TRDN: variants seen among roughly 807,000 people sequenced by gnomAD.
TRDN encodes triadin in skeletal muscle.
In TRDN, 161 loss-of-function variants were observed where a neutral mutation model predicts 149.7. That is an observed-to-expected ratio of 1.08 (90% CI 0.95 to 1.23). The LOEUF is 1.23. Among genes scored for constraint, TRDN ranks in the 50% most tolerant of loss-of-function variants. The pLI is 0.00. For synonymous variants in TRDN, 294 were observed against 250.5 expected (o/e 1.17, Z -1.64); for missense variants, 896 against 823.5 (o/e 1.09, Z -1.08).
Position 123,472,144 on chromosome 6 carries a change from G to A in TRDN, c.854-7161C>T, listed in dbSNP as rs551599408. Among the ~76,000 whole-genome samples the A allele has an allele frequency of 3.3e-5, 5 of 152,336 alleles. No individual in the cohort carries two copies. The East Asian group carries it at 9.7e-4, about 29-fold the overall frequency. On this transcript the variant is annotated intron_variant, in intron 9 of 40. Coordinates refer to ENST00000334268, the MANE Select transcript of TRDN (RefSeq NM_006073.4). ...AGCGTGAGCGACGCAGAAGACGGGT[G>A]ATTTCTGCATTTCCATCTGAGGTAC...
intron 12 of TRDN, among the ~76,000 whole-genome samples, chr6:123,433,291 A>C (rs1221252004): frequency 1.3e-5 from 2 of 151,358 alleles, no homozygotes; most frequent in Admixed American, 1.3e-4. Flanking sequence ...TATCTATTTA[A>C]ATAACTTCCC....
At chr6:123,460,088 A>T (rs187243398) in intron 10 of TRDN, among the ~76,000 whole-genome samples, 1 of 152,352 alleles carries the variant, frequency 6.6e-6, no homozygotes, top group East Asian at 1.9e-4. Flanking sequence ...TAGTTGACAC[A>T]TAATCTTGAA....
Position 123,351,456 on chromosome 6 carries a change from A to C in TRDN, c.1369+1083T>G, listed in dbSNP as rs1241596432. On this transcript the variant is annotated intron_variant, in intron 21 of 40. Transcript: ENST00000334268. ...ACTAAAATTCCACTCTTCTTCAAAA[A>C]GAAACCAACAGAAACATCTACTGAA... The C allele has an allele frequency of 5.1e-6, 5 of 984,258 alleles. No individual in the cohort carries two copies. The African/African-American group carries it at 8.7e-5, about 17-fold the overall frequency. The allele number at this position is 984,258 out of a possible 1,614,324, so 61.0% of individuals were successfully genotyped here.
At chr6:123,245,276 C>T (rs113105891) in intron 38 of TRDN, among the ~76,000 whole-genome samples, 1 of 151,924 alleles carries the variant, frequency 6.6e-6, no homozygotes, top group African/African-American at 2.4e-5. Context: ...GGGCTAAATG[C>T]CCCAATTAAA....
chr6:123,352,972 A>G (rs1010306896), intron 20 of TRDN, among the ~76,000 whole-genome samples: 2 of 151,864 alleles, frequency 1.3e-5, no homozygotes, highest in Non-Finnish European at 2.9e-5. Context: ...CGTGCTTAAC[A>G]TAGCTTAATC....
chr6:123,260,936 C>T (rs1776749790), intron 33 of TRDN, among the ~76,000 whole-genome samples: 1 of 151,586 alleles, frequency 6.6e-6, no homozygotes, highest in African/African-American at 2.4e-5. Context: ...CTTGATAGAA[C>T]AACAGGCTGA....
At chr6:123,307,321 A>G (rs898704944) in intron 24 of TRDN, among the ~76,000 whole-genome samples, 2 of 152,038 alleles carry the variant, frequency 1.3e-5, no homozygotes, top group Non-Finnish European at 2.9e-5. Context: ...ATGTATTCCA[A>G]CACTTCTTAT....
At chr6:123,243,216 T>C (rs1273490017) in intron 38 of TRDN, among the ~76,000 whole-genome samples, 5 of 152,058 alleles carry the variant, frequency 3.3e-5, no homozygotes, top group Non-Finnish European at 7.4e-5. Context: ...ACCAGTCTGA[T>C]AGCACAGGCC....
intron 9 of TRDN, among the ~76,000 whole-genome samples, chr6:123,481,065 C>G (rs1296245313): frequency 6.6e-6 from 1 of 152,080 alleles, no homozygotes; most frequent in Non-Finnish European, 1.5e-5. Context: ...ACAATTTACA[C>G]TTAAAAATCT....
rs779660776 is a variant in TRDN, at chr6:123,565,937, C to T, written c.232+4986G>A. Among the ~76,000 whole-genome samples the T allele has an allele frequency of 1.3e-4, 20 of 152,214 alleles. No homozygotes were observed. The East Asian group carries it at 2.1e-3, about 16-fold the overall frequency. ...TGTCCCAAGTCCCTCCCATTCTATC[C>T]ATCTTCCCTTCCCAATTTCCACCCT... On this transcript the variant is annotated intron_variant, in intron 2 of 40. Coordinates refer to ENST00000334268, the MANE Select transcript of TRDN (RefSeq NM_006073.4).
At chr6:123,437,616 T>A (rs192725568) in intron 12 of TRDN, among the ~76,000 whole-genome samples, 11 of 151,366 alleles carry the variant, frequency 7.3e-5, no homozygotes, top group Admixed American at 3.3e-4. Context: ...CCCTTTGAAA[T>A]GTAATCATCA....
chr6:123,397,927 T>C (rs902537930), intron 12 of TRDN, among the ~76,000 whole-genome samples: 6 of 152,246 alleles, frequency 3.9e-5, no homozygotes, highest in Non-Finnish European at 8.8e-5. Context: ...TTTATTAATC[T>C]TCCAAAGAAA....
chr6:123,535,206 A>G (rs1389552002), intron 4 of TRDN, among the ~76,000 whole-genome samples: 2 of 152,182 alleles, frequency 1.3e-5, no homozygotes, highest in Non-Finnish European at 2.9e-5. Flanking sequence ...ATGTGTTAGG[A>G]GGCAACAAAG....
chr6:123,557,572 C>A (rs1009299946), intron 2 of TRDN, among the ~76,000 whole-genome samples: 10 of 152,044 alleles, frequency 6.6e-5, no homozygotes, highest in African/African-American at 2.4e-4. Flanking sequence ...TCCATGAACC[C>A]AAAACTCCGG....
chr6:123,448,068 GC>G (rs998176889), intron 10 of TRDN, among the ~76,000 whole-genome samples: 3 of 152,240 alleles, frequency 2.0e-5, no homozygotes, highest in African/African-American at 7.2e-5. Flanking sequence ...GGCAGAGGAA[GC>G]AGCAGAAAGA....
intron 12 of TRDN, among the ~76,000 whole-genome samples, chr6:123,417,606 C>CA (rs1411426480): frequency 6.6e-6 from 1 of 152,156 alleles, no homozygotes; most frequent in Non-Finnish European, 1.5e-5. Context: ...CTCATTCCCC[C>CA]ACGTATCCTT....
At chr6:123,437,291 G>A in intron 12 of TRDN, 1 of 265,176 alleles carries the variant, frequency 3.8e-6, no homozygotes. Flanking sequence ...ACCTTCAGCA[G>A]CTCCTAATCT....
chr6:123,361,192 C>T (rs951878358), intron 20 of TRDN, among the ~76,000 whole-genome samples: 2 of 151,904 alleles, frequency 1.3e-5, no homozygotes, highest in Non-Finnish European at 2.9e-5. Context: ...CCATAGAATA[C>T]TATGCAGCCA....
At chr6:123,225,539 C>G (rs963775729) in intron 38 of TRDN, among the ~76,000 whole-genome samples, 1 of 87,160 alleles carries the variant, frequency 1.1e-5, no homozygotes, top group African/African-American at 3.0e-5. Context: ...CACACATACA[C>G]ACACATACAC....
Sources: allele counts gnomAD v4.1 joint callset (sites outside exome capture counted in the v4.1 genomes callset), GRCh38; gene constraint gnomAD v4.1.1; transcripts MANE v1.5; gene names NCBI Gene and HGNC (gene_info 2026-07-23, HGNC 2026-07-21).